Variants in VPS13D observed in about 807,000 individuals in gnomAD.
VPS13D encodes the protein vacuolar protein sorting 13 homolog D.
In VPS13D, 187 loss-of-function variants were observed where a neutral mutation model predicts 461.9. The ratio of observed to expected loss-of-function variants is 0.40; its 90% CI spans 0.36 to 0.46. The LOEUF (loss-of-function observed/expected upper bound fraction) is 0.46. Ranked by LOEUF, VPS13D falls within the 20% of genes least tolerant of loss-of-function variation. The pLI, the probability that VPS13D is intolerant of heterozygous loss-of-function variation, is 0.60. For synonymous variants in VPS13D, 1,951 were observed against 1,986.3 expected, an observed-to-expected ratio of 0.98 and a Z score of 0.47; for missense variants, 4,711 against 5,364.9, an observed-to-expected ratio of 0.88 and a Z score of 3.81.
chr1:12,283,188 A>C lies in VPS13D; in HGVS notation c.5086A>C (p.Lys1696Gln). ...KNLMVSRGAP[K>Q]PSSLAQKEYL... ...CCTGATGGTGTCTCGAGGAGCCCCT[A>C]AGCCATCTAGTTTAGCACAAAAAGA... The change falls in exon 21 of 70, where the codon AAG becomes CAG. Residue 1696 changes from lysine (K) to glutamine (Q), a missense_variant. Lys to Gln is a moderately conservative substitution (Grantham distance 53). Coordinates refer to ENST00000620676, the MANE Select transcript of VPS13D (RefSeq NM_015378.4). 6.2e-7 allele frequency: 1 copy of C among 1,614,150 alleles called. No homozygotes were observed. The highest frequency in any genetic ancestry group is 1.1e-5 in the South Asian group (1 of 91,078).
At chr1:12,386,362 T>G in intron 60 of VPS13D, 28 bp downstream of exon 60, 1 of 1,564,930 alleles carries the variant, frequency 6.4e-7, no homozygotes, top group Non-Finnish European at 8.6e-7. Context: ...AAGCTGTTAG[T>G]CACCTTGTTT....
At chr1:12,413,779 CTT>C (rs542417028) in intron 63 of VPS13D, among the ~76,000 whole-genome samples, 11 of 143,956 alleles carry the variant, frequency 7.6e-5, no homozygotes, top group African/African-American at 1.0e-4. Context: ...GCCAGAATAT[CTT>C]TTTTTTTTTT....
intron 67 of VPS13D, among the ~76,000 whole-genome samples, chr1:12,494,170 ATAT>A (rs1164037068): frequency 1.3e-5 from 2 of 152,162 alleles, no homozygotes; most frequent in Non-Finnish European, 2.9e-5. Context: ...CTTGCCCTTG[ATAT>A]TATTTGATCA....
chr1:12,353,912 A>C, intron 46 of VPS13D, 62 bp from the exon 47 acceptor site: 1 of 1,543,754 alleles, frequency 6.5e-7, no homozygotes, highest in Non-Finnish European at 8.8e-7. Flanking sequence ...TACTTAGCTA[A>C]GGAGAAAAAA....
Position 12,416,710 on chromosome 1 carries a change from C to A in VPS13D, c.12216C>A (p.Gly4072=), listed in dbSNP as rs1173944876. 6.2e-7 allele frequency: 1 copy of A among 1,614,014 alleles called. No individual in the cohort carries two copies. The highest frequency in any genetic ancestry group is 8.5e-7 in the Non-Finnish European group (1 of 1,179,978). Reference sequence around the variant, plus strand: ...TCCTGGGATCAGTGGATTTTCTTGGCAATCCTATGGGGCTTTTGAATGATG... The same window carrying A: ...TCCTGGGATCAGTGGATTTTCTTGGAAATCCTATGGGGCTTTTGAATGATG... ...ARILGSVDFL[G]NPMGLLNDVS... The change falls in exon 65 of 70, where the codon GGC becomes GGA. Residue 4072 remains glycine (G), a synonymous_variant. Transcript: ENST00000620676.
At position 12,277,392 on chromosome 1, in the gene VPS13D, A is replaced by G. The variant is rs1231519340; in HGVS notation, c.3804A>G (p.Glu1268=). 1.2e-6 allele frequency: 2 copies of G among 1,614,038 alleles called. No individual in the cohort carries two copies. The highest frequency in any genetic ancestry group is 1.7e-5 in the Admixed American group (1 of 60,008). ...GAATGGAAGATGCAGCCCTCACTGA[A>G]GCTTTGAGTTTCACGTTTGTTGAGA... ...FVRMEDAALT[E]ALSFTFVERS... is the part of the protein sequence containing the mutation. The change falls in exon 19 of 70, where the codon GAA becomes GAG. Residue 1268 remains glutamate (E), a synonymous_variant. Coordinates refer to ENST00000620676, the MANE Select transcript of VPS13D (RefSeq NM_015378.4).
At chr1:12,420,502 G>A (rs578052411) in intron 65 of VPS13D, among the ~76,000 whole-genome samples, 1 of 152,354 alleles carries the variant, frequency 6.6e-6, no homozygotes, top group South Asian at 2.1e-4. Flanking sequence ...GAGGGCTTTA[G>A]CCTGGTTGAA....
chr1:12,355,581 AT>A (rs902653400), intron 47 of VPS13D, among the ~76,000 whole-genome samples: 16 of 151,474 alleles, frequency 1.1e-4, no homozygotes, highest in East Asian at 1.9e-4. Context: ...TAAAAATTTA[AT>A]TTTTTTTTGA....
At chr1:12,235,402 C>T (rs1640115890) in intron 2 of VPS13D, among the ~76,000 whole-genome samples, 1 of 151,976 alleles carries the variant, frequency 6.6e-6, no homozygotes, top group Non-Finnish European at 1.5e-5. Context: ...CATGGTGAAA[C>T]CTGTCTCTAC....
At chr1:12,237,326 C>CAA (rs60266660) in intron 2 of VPS13D, among the ~76,000 whole-genome samples, 5 of 100,858 alleles carry the variant, frequency 5.0e-5, no homozygotes, top group Non-Finnish European at 9.7e-5. Context: ...CCCTTTTCTA[C>CAA]AAAAAAAAAA....
chr1:12,248,651 T>TA (rs1640636360), intron 5 of VPS13D, among the ~76,000 whole-genome samples: 1 of 152,246 alleles, frequency 6.6e-6, no homozygotes, highest in Non-Finnish European at 1.5e-5. Context: ...AACCTGTTAT[T>TA]ATTTTTTAAT....
chr1:12,262,158 G>A, intron 13 of VPS13D, 78 bp downstream of exon 13: 2 of 1,477,652 alleles, frequency 1.4e-6, no homozygotes, highest in South Asian at 1.3e-5. Context: ...ATTATTTGCT[G>A]TGGGGATAGT....
intron 65 of VPS13D, among the ~76,000 whole-genome samples, chr1:12,444,033 C>T (rs1361505578): frequency 6.6e-6 from 1 of 152,014 alleles, no homozygotes; most frequent in Non-Finnish European, 1.5e-5. Context: ...TTTTTAGAGA[C>T]AGGGTTTCAC....
Position 12,319,540 on chromosome 1 carries a change from C to G in VPS13D, c.7458C>G (p.Thr2486=). 6.2e-7 allele frequency: 1 copy of G among 1,614,126 alleles called. No individual in the cohort carries two copies. Among genetic ancestry groups the G allele is most frequent in the Non-Finnish European group, 8.5e-7 (1 of 1,179,994 alleles). The change falls in exon 32 of 70, where the codon ACC becomes ACG. Residue 2486 remains threonine (T), a synonymous_variant. Transcript: ENST00000620676. ...VVIEDVSCFD[T]NAIILKGTTV... ...TTGAAGATGTGTCCTGCTTCGACAC[C>G]AATGCCATTATTCTGAAAGGCACCA...
At chr1:12,485,708 G>A (rs1272179538) in intron 67 of VPS13D, among the ~76,000 whole-genome samples, 1 of 152,220 alleles carries the variant, frequency 6.6e-6, no homozygotes, top group Admixed American at 6.5e-5. Context: ...AAATCCAGTA[G>A]TGTGGAATGT....
chr1:12,428,159 C>T (rs1185830148), intron 65 of VPS13D, among the ~76,000 whole-genome samples: 1 of 152,188 alleles, frequency 6.6e-6, no homozygotes, highest in African/African-American at 2.4e-5. Context: ...AAGGAAGGTA[C>T]TTCTAGAAGC....
chr1:12,339,721 G>C (rs1643526889), intron 40 of VPS13D, among the ~76,000 whole-genome samples: 1 of 152,196 alleles, frequency 6.6e-6, no homozygotes, highest in South Asian at 2.1e-4. Context: ...CGTGCATGCT[G>C]TGTATTTTTA....
chr1:12,405,944 T>C (rs1317558025), intron 63 of VPS13D, among the ~76,000 whole-genome samples: 1 of 152,198 alleles, frequency 6.6e-6, no homozygotes, highest in Non-Finnish European at 1.5e-5. Context: ...TTTTCTGCAG[T>C]TGAAGTAGCT....
At chr1:12,330,975 A>G (rs1412813968) in intron 37 of VPS13D, among the ~76,000 whole-genome samples, 8 of 152,190 alleles carry the variant, frequency 5.3e-5, no homozygotes, top group Non-Finnish European at 8.8e-5. Context: ...CTCCCTAGAA[A>G]AAACAAAAAC....
Sources: gnomAD v4.1 joint callset for allele counts (sites outside exome capture counted in the v4.1 genomes callset) on GRCh38, gnomAD v4.1.1 for gene constraint, MANE v1.5 for transcripts, NCBI Gene and HGNC (gene_info 2026-07-23, HGNC 2026-07-21) for gene names.